PI4KA: variants seen among roughly 807,000 people sequenced by gnomAD.
PI4KA encodes the protein phosphatidylinositol 4-kinase alpha, also known as PI4-kinase alpha.
Under a neutral mutation model 271.4 loss-of-function variants are expected in PI4KA, and 122 were observed. The observed-to-expected ratio is 0.45, with a 90% CI of 0.39 to 0.52. The LOEUF (loss-of-function observed/expected upper bound fraction) is 0.52. PI4KA is among the 20% of genes least tolerant of loss of function. The pLI is 0.00. For synonymous variants in PI4KA, 1,041 were observed against 1,078.8 expected (o/e 0.96, Z 0.69); for missense variants, 1,969 against 2,769.1 (o/e 0.71, Z 6.48).
At chr22:20,721,181 T>G in intron 43 of PI4KA, 117 bp downstream of exon 43, 1 of 1,021,258 alleles carries the variant, frequency 9.8e-7, no homozygotes, top group Non-Finnish European at 1.5e-6. Flanking sequence ...AGGGTGGGAG[T>G]GGAGGGGTCG....
At position 20,767,933 on chromosome 22, in the gene PI4KA, C is replaced by T. The variant is rs1932679270; in HGVS notation, c.2329-2240G>A. 2.5e-5 allele frequency among the ~76,000 whole-genome samples: 3 copies of T among 121,390 alleles called. No individual in the cohort carries two copies. In the Admixed American group the frequency reaches 2.6e-4, roughly 10 times the overall value. The allele number at this position is 121,390 out of a possible 152,430, so 79.6% of individuals were successfully genotyped here. A position where few individuals can be genotyped will look rare whatever the true frequency, so the allele number is the denominator to read the frequency against. The stretch of plus-strand genomic sequence containing the variant: ...TACAGGTGTGAGCCACCACACCTGG[C>T]CTAATTATTATTATTATTATTATTA... On this transcript the variant is annotated intron_variant, in intron 19 of 54. Coordinates refer to ENST00000255882, the MANE Select transcript of PI4KA (RefSeq NM_058004.4).
intron 39 of PI4KA, among the ~76,000 whole-genome samples, chr22:20,728,724 T>C (rs1927655953): frequency 1.3e-5 from 2 of 152,186 alleles, no homozygotes; most frequent in South Asian, 4.1e-4. Flanking sequence ...ATGCAGTACA[T>C]TGGCAAGTCT....
chr22:20,778,151 C>T (rs376055724), intron 19 of PI4KA, among the ~76,000 whole-genome samples: 1 of 152,168 alleles, frequency 6.6e-6, no homozygotes, highest in Non-Finnish European at 1.5e-5. Context: ...ACCACATCAC[C>T]TCACTACGCC....
intron 5 of PI4KA, 90 bp from the exon 6 acceptor site, chr22:20,819,990 T>G: frequency 1.8e-6 from 2 of 1,132,256 alleles, no homozygotes; most frequent in Non-Finnish European, 2.6e-6. Flanking sequence ...GACTAAGATT[T>G]CACAACCCAC....
At chr22:20,759,985 C>T (rs1192995250) in intron 23 of PI4KA, among the ~76,000 whole-genome samples, 1 of 152,126 alleles carries the variant, frequency 6.6e-6, no homozygotes, top group Non-Finnish European at 1.5e-5. Context: ...CAGCTGTGAG[C>T]CACTGTGCCC....
At chr22:20,737,571 A>C (rs1038551529) in intron 32 of PI4KA, among the ~76,000 whole-genome samples, 27 of 151,818 alleles carry the variant, frequency 1.8e-4, no homozygotes, top group African/African-American at 6.3e-4. Context: ...GAGGGCTGAC[A>C]CGTGGTCAGG....
intron 32 of PI4KA, among the ~76,000 whole-genome samples, chr22:20,740,588 C>A (rs1160832209): frequency 1.3e-5 from 2 of 151,960 alleles, no homozygotes; most frequent in Admixed American, 1.3e-4. Context: ...GAAATTCACA[C>A]ACAGTCAAAC....
At position 20,786,804 on chromosome 22, in the gene PI4KA, G is replaced by C. The variant is rs777011892; in HGVS notation, c.2328+6389C>G. 188 of 1,420,312 alleles carry C rather than the reference G, an allele frequency of 1.3e-4. 1 individual carries two copies. The East Asian group carries it at 4.1e-3, about 31-fold the overall frequency. 88.0% of individuals were successfully genotyped at this position (1,420,312 alleles called of 1,614,324 possible). A position where few individuals can be genotyped will look rare whatever the true frequency, so the allele number is the denominator to read the frequency against. On this transcript the variant is annotated intron_variant, in intron 19 of 54. Coordinates refer to ENST00000255882, the MANE Select transcript of PI4KA (RefSeq NM_058004.4). The stretch of plus-strand genomic sequence containing the variant: ...TTTGGATCCTTTCCCTGAATGATAT[G>C]AGATTGTGCTGGGAACTCTAGCCCT...
chr22:20,715,979 C>G (rs1196041992), intron 45 of PI4KA, among the ~76,000 whole-genome samples: 1 of 152,158 alleles, frequency 6.6e-6, no homozygotes, highest in Non-Finnish European at 1.5e-5. Context: ...CAACCTCCAC[C>G]TCCTGGGTTC....
At chr22:20,809,039 C>T (rs165811) in intron 9 of PI4KA, among the ~76,000 whole-genome samples, 57,742 of 151,902 alleles carry the variant, frequency 0.38, 11,463 homozygotes, top group African/African-American at 0.48. Flanking sequence ...ACAGGAAGAG[C>T]TGTGGTTGAC....
chr22:20,724,289 G>C (rs1391039145), intron 42 of PI4KA, among the ~76,000 whole-genome samples: 1 of 148,578 alleles, frequency 6.7e-6, no homozygotes, highest in Non-Finnish European at 1.5e-5. Context: ...TGGGCAACAA[G>C]AGCGAAACTC....
At chr22:20,709,622 G>A (rs1924984914) in intron 53 of PI4KA, 1 of 557,030 alleles carries the variant, frequency 1.8e-6, no homozygotes, top group Non-Finnish European at 3.2e-6. Context: ...AAGCATTGGG[G>A]AGCTAAGCTA....
At position 20,747,584 on chromosome 22, in the gene PI4KA, C is replaced by G; in HGVS notation, c.3362G>C (p.Gly1121Ala). ...AGYNKQNTTL[G>A]ATQLSERPAC... is the part of the protein sequence containing the mutation. The stretch of plus-strand genomic sequence containing the variant: ...GCTCTTCAGAAGGCTCGCACATACC[C>G]CAAGAGTTGTGTTCTGCTTGTTGTA... The change falls in exon 29 of 55, where the codon GGG (glycine) becomes GCG (alanine). Residue 1121 changes from glycine to alanine, a missense_variant and splice_region_variant. This residue lies in a region of PI4KA where 203 missense variants were observed against 256.8 expected (regional missense o/e 0.79). Coordinates refer to ENST00000255882, the MANE Select transcript of PI4KA (RefSeq NM_058004.4). 1 of 1,613,954 alleles carries G rather than the reference C, an allele frequency of 6.2e-7. No homozygotes were observed. The highest frequency in any genetic ancestry group is 8.5e-7 in the Non-Finnish European group (1 of 1,179,934).
intron 23 of PI4KA, among the ~76,000 whole-genome samples, chr22:20,760,735 C>A (rs1931876838): frequency 6.6e-6 from 1 of 152,120 alleles, no homozygotes; most frequent in South Asian, 2.1e-4. Flanking sequence ...ATTTTTATGC[C>A]TTCCTACAGT....
chr22:20,847,500 G>A (rs1926414443), intron 1 of PI4KA, among the ~76,000 whole-genome samples: 1 of 152,120 alleles, frequency 6.6e-6, no homozygotes, highest in African/African-American at 2.4e-5. Context: ...TGAGGCGGGT[G>A]GATCTCTTGA....
chr22:20,773,371 G>A (rs569838965), intron 19 of PI4KA, among the ~76,000 whole-genome samples: 27 of 152,250 alleles, frequency 1.8e-4, no homozygotes, highest in Admixed American at 5.2e-4. Context: ...GGGCAGCAGC[G>A]CGAAACTCTG....
At position 20,765,491 on chromosome 22, in the gene PI4KA, A is replaced by C. The variant is rs536699904; in HGVS notation, c.2437+94T>G. 412 of 872,276 alleles carry C rather than the reference A, an allele frequency of 4.7e-4. No individual in the cohort carries two copies. The African/African-American group carries it at 6.4e-3, about 13-fold the overall frequency. The allele number at this position is 872,276 out of a possible 1,614,324, so 54.0% of individuals were successfully genotyped here. A position where few individuals can be genotyped will look rare whatever the true frequency, so the allele number is the denominator to read the frequency against. On this transcript the variant is annotated intron_variant, in intron 20 of 54. Coordinates refer to ENST00000255882, the MANE Select transcript of PI4KA (RefSeq NM_058004.4). ...GAAGCAGCTGCATGTGGACTCATTTAAACATGCTCACATTCATAATTACGT... is the reference window on the plus strand; with the variant it reads ...GAAGCAGCTGCATGTGGACTCATTTCAACATGCTCACATTCATAATTACGT...
At chr22:20,799,831 A>G in intron 14 of PI4KA, 65 bp from the exon 15 acceptor site, 1 of 1,053,110 alleles carries the variant, frequency 9.5e-7, no homozygotes. Flanking sequence ...TTGTTTTTTA[A>G]TTTTTCCTTC....
rs1921303180 is a variant in PI4KA at position 20,813,273 on chromosome 22, G to A, written c.1005+85C>T. 1.6e-5 allele frequency: 17 copies of A among 1,046,676 alleles called. No individual in the cohort carries two copies. In the South Asian group the frequency reaches 2.4e-4, roughly 15 times the overall value. The allele number at this position is 1,046,676 out of a possible 1,614,324, so 64.8% of individuals were successfully genotyped here. On this transcript the variant is annotated intron_variant, in intron 8 of 54. Coordinates refer to ENST00000255882, the MANE Select transcript of PI4KA (RefSeq NM_058004.4). ...GTACTTTGAAATACTGGTACTCTGA[G>A]TTTTTCTTTTAAAAATACAAGTTTC... is the stretch of plus-strand genomic sequence containing the variant.
Sources: allele counts gnomAD v4.1 joint callset (sites outside exome capture counted in the v4.1 genomes callset), GRCh38; gene constraint gnomAD v4.1.1; regional missense constraint gnomAD v4.1.1; transcripts MANE v1.5; gene names NCBI Gene and HGNC (gene_info 2026-07-23, HGNC 2026-07-21).